The following STX2 variants were observed in gnomAD, a reference collection of about 807,000 sequenced individuals.
STX2 encodes the protein syntaxin 2.
A neutral mutation model predicts 40.6 loss-of-function variants in STX2; 27 were observed. The observed-to-expected ratio is 0.66, with a 90% CI of 0.49 to 0.92. The LOEUF (loss-of-function observed/expected upper bound fraction) is 0.92, where lower values mean the gene tolerates loss of function less well. STX2 is among the 40% of genes least tolerant of loss of function. The pLI is 0.00. For missense variants in STX2, 328 were observed against 366.1 expected (o/e 0.90, Z 0.85); for synonymous variants, 123 against 119.1 (o/e 1.03, Z -0.22).
chr12:130,791,346 C>T lies in STX2; in HGVS notation c.*677G>A, dbSNP rs1950871153. ...GCCAGCCTGGCCAGCATGGTAAAAC[C>T]CCGTCTCTACTAAAAAGAAAACACA... On this transcript the variant is annotated 3_prime_UTR_variant, in exon 11 of 11. Transcript: ENST00000392373. The T allele has an allele frequency of 1.3e-5, 2 of 152,012 alleles. No individual in the cohort carries two copies. The highest frequency in any genetic ancestry group is 4.2e-4 in the South Asian group (2 of 4,812). 9.4% of individuals were successfully genotyped at this position (152,012 alleles called of 1,614,324 possible). A position where few individuals can be genotyped will look rare whatever the true frequency, so the allele number is the denominator to read the frequency against.
chr12:130,818,384 G>C (rs1020282704), intron 3 of STX2, among the ~76,000 whole-genome samples: 2 of 150,482 alleles, frequency 1.3e-5, no homozygotes, highest in South Asian at 2.1e-4. Flanking sequence ...TGGAGGGTGG[G>C]GGGGAGAGGG....
At chr12:130,824,115 A>T (rs1305770329) in intron 2 of STX2, among the ~76,000 whole-genome samples, 1 of 151,998 alleles carries the variant, frequency 6.6e-6, no homozygotes, top group Non-Finnish European at 1.5e-5. Context: ...GCAGGCCAGG[A>T]GCAGTGGCTC....
rs372445304 is a variant in STX2 at position 130,821,797 on chromosome 12, G to A, written c.106-9C>T. ...TTTCTAATCTCCTCCACCTAGGAGA[G>A]AGAGAGAGTCATTACAGCATGGCAA... On this transcript the variant is annotated splice_polypyrimidine_tract_variant and intron_variant, in intron 2 of 10. Coordinates refer to ENST00000392373, the MANE Select transcript of STX2 (RefSeq NM_194356.4). 4 of 1,554,520 alleles carry A rather than the reference G, an allele frequency of 2.6e-6. No homozygotes were observed. The highest frequency in any genetic ancestry group is 3.5e-6 in the Non-Finnish European group (4 of 1,126,928).
At position 130,796,036 on chromosome 12, in the gene STX2, A is replaced by C; in HGVS notation, c.*4T>G. ...AGGCATGCACACTGACGTTATCCAC[A>C]CCATCATTTGCCAACTGACAAGCCA... is the stretch of plus-strand genomic sequence containing the variant. On this transcript the variant is annotated 3_prime_UTR_variant, in exon 10 of 11. Transcript: ENST00000392373. 1 of 1,614,196 alleles carries C rather than the reference A, an allele frequency of 6.2e-7. No individual in the cohort carries two copies.
intron 1 of STX2, 137 bp downstream of exon 1, chr12:130,838,933 A>G: frequency 1.3e-6 from 1 of 741,598 alleles, no homozygotes; most frequent in Non-Finnish European, 1.7e-6. Context: ...CCCTGCCCGC[A>G]GCCCCCGCCC....
At chr12:130,793,722 C>G (rs1428489655) in intron 10 of STX2, among the ~76,000 whole-genome samples, 2 of 152,184 alleles carry the variant, frequency 1.3e-5, no homozygotes, top group Non-Finnish European at 2.9e-5. Flanking sequence ...GCAGCCCATC[C>G]CACCCATGCT....
Position 130,801,460 on chromosome 12 carries a change from T to C in STX2, c.492A>G (p.Leu164=). ...GCTTCCCGCTCTCCAGCATCTCTTC[T>C]AGCTCGTCGTCTGTGGTGGTTCTCC... ...ITGRTTTDDE[L]EEMLESGKPS... is the part of the protein sequence containing the mutation. Residue 164 remains leucine, a synonymous_variant, in exon 7 of 11, where the codon CTA becomes CTG. Transcript: ENST00000392373. 1.9e-6 allele frequency: 3 copies of C among 1,610,036 alleles called. No individual in the cohort carries two copies. The highest frequency in any genetic ancestry group is 1.7e-6 in the Non-Finnish European group (2 of 1,177,748).
At chr12:130,825,576 G>A (rs1258051206) in intron 2 of STX2, among the ~76,000 whole-genome samples, 3 of 152,300 alleles carry the variant, frequency 2.0e-5, no homozygotes, top group South Asian at 2.1e-4. Flanking sequence ...CTTAAAGGAA[G>A]TTCCTTGTAG....
intron 1 of STX2, among the ~76,000 whole-genome samples, chr12:130,831,702 T>A (rs939120788): frequency 1.3e-5 from 2 of 152,204 alleles, no homozygotes; most frequent in African/African-American, 2.4e-5. Flanking sequence ...AAACGTAACC[T>A]ACTTTCTCAT....
At chr12:130,807,530 C>T (rs1281884656) in intron 5 of STX2, among the ~76,000 whole-genome samples, 1 of 151,840 alleles carries the variant, frequency 6.6e-6, no homozygotes, top group Non-Finnish European at 1.5e-5. Flanking sequence ...CCAGAGCCTG[C>T]GTGCTTCATC....
chr12:130,801,374 C>T (rs774763710), intron 7 of STX2, 41 bp downstream of exon 7: 169 of 1,597,132 alleles, frequency 1.1e-4, no homozygotes, highest in Admixed American at 1.6e-4. Context: ...GCTCTGTCTA[C>T]AGAAGAGGAC....
At chr12:130,829,940 G>C (rs957860076) in intron 1 of STX2, among the ~76,000 whole-genome samples, 1 of 152,180 alleles carries the variant, frequency 6.6e-6, no homozygotes, top group African/African-American at 2.4e-5. Flanking sequence ...GTGCCACATG[G>C]CTCTCAGGGC....
chr12:130,791,773 A>G lies in STX2; in HGVS notation c.*250T>C. On this transcript the variant is annotated 3_prime_UTR_variant, in exon 11 of 11. Transcript: ENST00000392373. ...GGTTGTGCTTCTTCCGTGAACTCAT[A>G]CATTACAAGGTCAGCACTCGATGCC... 3.7e-6 allele frequency: 3 copies of G among 812,636 alleles called. No homozygotes were observed. Among genetic ancestry groups the G allele is most frequent in the Non-Finnish European group, 6.1e-6 (3 of 488,984 alleles). The allele number at this position is 812,636 out of a possible 1,614,324, so 50.3% of individuals were successfully genotyped here.
intron 6 of STX2, among the ~76,000 whole-genome samples, chr12:130,803,690 C>CAA (rs1248119618): frequency 0.028 from 266 of 9,342 alleles, 11 homozygotes; most frequent in Non-Finnish European, 0.034. Flanking sequence ...AAAAAAAAAA[C>CAA]AAACTAAAAG....
At chr12:130,793,695 C>T (rs150752461) in intron 10 of STX2, among the ~76,000 whole-genome samples, 99 of 152,346 alleles carry the variant, frequency 6.5e-4, no homozygotes, top group African/African-American at 2.1e-3. Flanking sequence ...CTGTAAGACT[C>T]CACCTGTCTC....
At chr12:130,811,754 T>C (rs1234333965) in intron 4 of STX2, among the ~76,000 whole-genome samples, 2 of 152,040 alleles carry the variant, frequency 1.3e-5, no homozygotes, top group African/African-American at 2.4e-5. Flanking sequence ...TTAGCCAGGA[T>C]AAGTCTCGAT....
chr12:130,807,413 CCGCG>C (rs1951478399), intron 5 of STX2, among the ~76,000 whole-genome samples: 1 of 150,596 alleles, frequency 6.6e-6, no homozygotes, highest in African/African-American at 2.5e-5. Context: ...ACCCCAGAGC[CCGCG>C]TGCTTCATCG....
At chr12:130,812,877 G>A in intron 4 of STX2, 80 bp downstream of exon 4, 1 of 1,015,438 alleles carries the variant, frequency 9.8e-7, no homozygotes, top group Non-Finnish European at 1.5e-6. Context: ...AAATGTAAAA[G>A]AACAAAAACC....
At position 130,838,438 on chromosome 12, in the gene STX2, A is replaced by G. The variant is rs556906168; in HGVS notation, c.30+632T>C. ...GGCGCGTAAGGTGCGTTCAGAGTCAACACACGGTCCCAGTTTCCAAAGCAA... is the reference window on the plus strand; with the variant it reads ...GGCGCGTAAGGTGCGTTCAGAGTCAGCACACGGTCCCAGTTTCCAAAGCAA... On this transcript the variant is annotated intron_variant, in intron 1 of 10. Transcript: ENST00000392373. Among the ~76,000 whole-genome samples, 9 of 152,316 alleles carry G rather than the reference A, an allele frequency of 5.9e-5. No homozygotes were observed. In the South Asian group the frequency reaches 1.9e-3, roughly 32 times the overall value.
Sources: gnomAD v4.1 joint callset for allele counts (sites outside exome capture counted in the v4.1 genomes callset) on GRCh38, gnomAD v4.1.1 for gene constraint, MANE v1.5 for transcripts, NCBI Gene and HGNC (gene_info 2026-07-23, HGNC 2026-07-21) for gene names.